The following SDSL variants were observed in gnomAD, a reference collection of about 807,000 sequenced individuals.
SDSL encodes the protein serine dehydratase-like.
In SDSL, 26 loss-of-function variants were observed where a neutral mutation model predicts 27.6. That is an observed-to-expected ratio of 0.94 (90% CI 0.69 to 1.31). The LOEUF is 1.31. SDSL is among the 50% of genes most tolerant of loss of function. SDSL has a pLI of 0.00. For missense variants in SDSL, 431 were observed against 423.5 expected, an observed-to-expected ratio of 1.02 and a Z score of -0.16; for synonymous variants, 196 against 180.6, an observed-to-expected ratio of 1.09 and a Z score of -0.69.
At chr12:113,435,806 T>C (rs1190708286) in intron 6 of SDSL, among the ~76,000 whole-genome samples, 1 of 152,168 alleles carries the variant, frequency 6.6e-6, no homozygotes, top group Non-Finnish European at 1.5e-5. Flanking sequence ...AAGCAATCCA[T>C]GTGTGTTGCA....
In SDSL at chr12:113,429,163, G is replaced by T. The variant is rs1429865953; in HGVS notation, c.218G>T (p.Gly73Val). The T allele has an allele frequency of 1.2e-6, 2 of 1,612,908 alleles. No homozygotes were observed. The highest frequency in any genetic ancestry group is 1.1e-5 in the South Asian group (1 of 90,974). The change falls in exon 4 of 8, where the codon GGT becomes GTT. Residue 73 changes from glycine (G) to valine (V), a missense_variant. Coordinates refer to ENST00000403593, the MANE Select transcript of SDSL (RefSeq NM_001304993.2). ...GCRHLVCSSG[G>V]NAGIAAAYAA... ...CCCTTTCCTCCTTTCTGCACAGGGGGTAATGCGGGCATCGCTGCTGCCTAT... is the reference window on the plus strand; with the variant it reads ...CCCTTTCCTCCTTTCTGCACAGGGGTTAATGCGGGCATCGCTGCTGCCTAT...
In SDSL at chr12:113,427,989, G is replaced by C; in HGVS notation, c.7G>C (p.Gly3Arg). Residue 3 changes from glycine to arginine, a missense_variant, in exon 2 of 8, where the codon GGC (glycine) becomes CGC (arginine). Gly to Arg is a moderately radical substitution (Grantham distance 125). Coordinates refer to ENST00000403593, the MANE Select transcript of SDSL (RefSeq NM_001304993.2). MD[G>R]PVAEHAKQEP... ...TGTCTACCTGGTCTCCAGAATGGAC[G>C]GCCCTGTGGCAGAGCATGCCAAGCA... The C allele has an allele frequency of 1.2e-6, 2 of 1,611,146 alleles. No homozygotes were observed. Among genetic ancestry groups the C allele is most frequent in the Middle Eastern group, 1.7e-4 (1 of 5,886 alleles).
Position 113,431,907 on chromosome 12 carries a change from G to A in SDSL, c.355-2227G>A, listed in dbSNP as rs147114358. Among the ~76,000 whole-genome samples, 867 of 149,206 alleles carry A rather than the reference G, an allele frequency of 5.8e-3. 12 individuals are homozygous for A. Among genetic ancestry groups the A allele is most frequent in the African/African-American group, 0.021 (830 of 40,252 alleles). Reference sequence around the variant, plus strand: ...GCCAGCTACTACAGCCACCACGCCTGGCTATTTTTTTTTTTTTTTTTGTAT... The same window carrying A: ...GCCAGCTACTACAGCCACCACGCCTAGCTATTTTTTTTTTTTTTTTTGTAT... On this transcript the variant is annotated intron_variant, in intron 4 of 7. Coordinates refer to ENST00000403593, the MANE Select transcript of SDSL (RefSeq NM_001304993.2).
Position 113,437,030 on chromosome 12 carries a change from G to A in SDSL, c.796+155G>A, listed in dbSNP as rs78153944. ...TAAGTGCACGTCGAGTAGATGGAAG[G>A]GGGTGAGGATAAAGAAGGAGTGTAT... On this transcript the variant is annotated intron_variant, in intron 7 of 7. Coordinates refer to ENST00000403593, the MANE Select transcript of SDSL (RefSeq NM_001304993.2). 8.4e-3 allele frequency: 5,523 copies of A among 654,574 alleles called. 60 individuals are homozygous for A. The highest frequency in any genetic ancestry group is 0.026 in the Middle Eastern group (100 of 3,830). 40.5% of individuals were successfully genotyped at this position (654,574 alleles called of 1,614,324 possible). A position where few individuals can be genotyped will look rare whatever the true frequency, so the allele number is the denominator to read the frequency against.
intron 4 of SDSL, among the ~76,000 whole-genome samples, chr12:113,429,527 A>C (rs1159531712): frequency 6.6e-6 from 1 of 152,204 alleles, no homozygotes; most frequent in Admixed American, 6.5e-5. Flanking sequence ...TGTGTGAACC[A>C]AGACAAATGG....
intron 7 of SDSL, 131 bp downstream of exon 7, chr12:113,437,006 A>T: frequency 1.7e-5 from 15 of 888,844 alleles, no homozygotes; most frequent in South Asian, 2.2e-5. Flanking sequence ...ACTGTGCACT[A>T]AGTGCACGTC....
chr12:113,428,463 A>AC lies in SDSL; in HGVS notation c.214+8dup. 1 of 1,610,910 alleles carries AC rather than the reference A, an allele frequency of 6.2e-7. No homozygotes were observed. The highest frequency in any genetic ancestry group is 8.5e-7 in the Non-Finnish European group (1 of 1,179,160). On this transcript the variant is annotated splice_donor_region_variant and intron_variant, in intron 3 of 7. Coordinates refer to ENST00000403593, the MANE Select transcript of SDSL (RefSeq NM_001304993.2). ...AGACACCTGGTGTGCTCCTCAGGTG[A>AC]CCCCACCTTTTTTTGTTTCATGGGC...
chr12:113,427,857 G>A, intron 1 of SDSL, 105 bp from the exon 2 acceptor site: 1 of 984,598 alleles, frequency 1.0e-6, no homozygotes, highest in Non-Finnish European at 1.5e-6. Context: ...TGGATGAAGT[G>A]AAGGGCACCT....
chr12:113,425,647 C>G (rs1382762996), intron 1 of SDSL: 2 of 455,158 alleles, frequency 4.4e-6, no homozygotes, highest in Non-Finnish European at 8.8e-6. Context: ...TCCTCCATCT[C>G]TTCTTTTCGT....
rs759103448 is a variant in SDSL at position 113,436,735 on chromosome 12, C to T, written c.672-16C>T. 26 of 1,587,412 alleles carry T rather than the reference C, an allele frequency of 1.6e-5. 1 individual carries two copies. The South Asian group carries it at 2.9e-4, about 17-fold the overall frequency. The stretch of plus-strand genomic sequence containing the variant: ...GAGCCCCTGGTCTCCCTGCCCCACC[C>T]TGCTCTATCCTGCAGTGTGGCCAAG... On this transcript the variant is annotated splice_polypyrimidine_tract_variant and intron_variant, in intron 6 of 7. Coordinates refer to ENST00000403593, the MANE Select transcript of SDSL (RefSeq NM_001304993.2).
intron 4 of SDSL, among the ~76,000 whole-genome samples, chr12:113,430,695 A>G (rs963411490): frequency 1.3e-5 from 2 of 152,210 alleles, no homozygotes; most frequent in African/African-American, 4.8e-5. Context: ...ACCAACATCA[A>G]TGGGGAGGGG....
chr12:113,432,260 C>CTTTCTTTCTTTCTTTCTTTCT (rs1957936706), intron 4 of SDSL, among the ~76,000 whole-genome samples: 1 of 137,584 alleles, frequency 7.3e-6, no homozygotes, highest in Non-Finnish European at 1.6e-5. Flanking sequence ...TTCTTTCTTT[C>CTTTCTTTCTTTCTTTCTTTCT]TTTCTTTCTT....
In SDSL at chr12:113,435,079, C is replaced by T. The variant is rs1031776570; in HGVS notation, c.444-250C>T. Among the ~76,000 whole-genome samples, 37 of 152,324 alleles carry T rather than the reference C, an allele frequency of 2.4e-4. 1 individual carries two copies. The highest frequency in any genetic ancestry group is 7.2e-4 in the African/African-American group (30 of 41,562). ...GTAGTGAACTGAGATCGTGCCACTGCACTCCAGCCTGGGTGACAGAGTGAG... is the reference window on the plus strand; with the variant it reads ...GTAGTGAACTGAGATCGTGCCACTGTACTCCAGCCTGGGTGACAGAGTGAG... On this transcript the variant is annotated intron_variant, in intron 5 of 7. Transcript: ENST00000403593.
intron 1 of SDSL, chr12:113,425,647 C>T (rs1382762996): frequency 2.2e-6 from 1 of 455,158 alleles, no homozygotes; most frequent in Admixed American, 2.4e-5. Context: ...TCCTCCATCT[C>T]TTCTTTTCGT....
At chr12:113,426,598 G>A (rs897666714) in intron 1 of SDSL, among the ~76,000 whole-genome samples, 3 of 152,236 alleles carry the variant, frequency 2.0e-5, no homozygotes, top group Non-Finnish European at 4.4e-5. Context: ...CAATGTGTTT[G>A]AACAAATGTA....
At chr12:113,428,581 A>AG in intron 3 of SDSL, 122 bp downstream of exon 3, 1 of 763,608 alleles carries the variant, frequency 1.3e-6, no homozygotes, top group Non-Finnish European at 2.1e-6. Flanking sequence ...GTCATTGATG[A>AG]GATGACTACT....
Position 113,435,602 on chromosome 12 carries a change from G to A in SDSL, c.671+46G>A, listed in dbSNP as rs1186100227. ...TTTGTAGGGGCTGGAGGGTGGGTGT[G>A]CCACTGTCCTAGGGCCTTCCAGTCC... On this transcript the variant is annotated intron_variant, in intron 6 of 7. Transcript: ENST00000403593. 3.9e-6 allele frequency: 6 copies of A among 1,530,974 alleles called. 1 individual carries two copies. Among genetic ancestry groups the A allele is most frequent in the South Asian group, 2.4e-5 (2 of 83,958 alleles). 94.8% of individuals were successfully genotyped at this position (1,530,974 alleles called of 1,614,324 possible).
At chr12:113,425,732 G>C (rs1957840615) in intron 1 of SDSL, 1 of 455,962 alleles carries the variant, frequency 2.2e-6, no homozygotes, top group South Asian at 1.5e-5. Flanking sequence ...GTGGCTCACG[G>C]ATGTAGTCCC....
At position 113,429,155 on chromosome 12, in the gene SDSL, C is replaced by T. The variant is rs368714780; in HGVS notation, c.215-5C>T. On this transcript the variant is annotated splice_polypyrimidine_tract_variant and splice_region_variant and intron_variant, in intron 3 of 7. Transcript: ENST00000403593. ...CCCACTGCCCCTTTCCTCCTTTCTG[C>T]ACAGGGGGTAATGCGGGCATCGCTG... is the stretch of plus-strand genomic sequence containing the variant. 1.5e-5 allele frequency: 24 copies of T among 1,610,996 alleles called. No homozygotes were observed. In the African/African-American group the frequency reaches 3.1e-4, roughly 21 times the overall value.
Sources: gnomAD v4.1 joint callset for allele counts (sites outside exome capture counted in the v4.1 genomes callset) on GRCh38, gnomAD v4.1.1 for gene constraint, MANE v1.5 for transcripts, NCBI Gene and HGNC (gene_info 2026-07-23, HGNC 2026-07-21) for gene names.